The following PRR27 variants were observed in gnomAD, a reference collection of about 807,000 sequenced individuals.
PRR27 encodes the protein proline rich 27, also known as proline-rich protein 27.
Under a neutral mutation model 16.8 loss-of-function variants are expected in PRR27, and 12 were observed. The observed-to-expected ratio is 0.71, with a 90% CI of 0.46 to 1.16. The LOEUF is 1.16. PRR27 is among the 50% of genes most tolerant of loss of function. PRR27 has a pLI of 0.00. For synonymous variants in PRR27, 100 were observed against 98.4 expected (o/e 1.02, Z -0.10); for missense variants, 277 against 273.3 (o/e 1.01, Z -0.10).
At chr4:70,154,617 T>C in intron 1 of PRR27, 191 bp downstream of exon 1, 2 of 843,768 alleles carry the variant, frequency 2.4e-6, no homozygotes, top group Non-Finnish European at 3.7e-6. Flanking sequence ...AGTTGTAGTA[T>C]CTGAAAATAG....
At chr4:70,161,550 T>G (rs1053160714) in intron 3 of PRR27, 36 bp from the exon 4 acceptor site, 3 of 1,349,706 alleles carry the variant, frequency 2.2e-6, no homozygotes, top group Non-Finnish European at 3.1e-6. Flanking sequence ...TACATTTGAT[T>G]GTTTATGAAA....
In PRR27 at chr4:70,158,358, C is replaced by A; in HGVS notation, c.106C>A (p.Pro36Thr). The change falls in exon 3 of 5, where the codon CCA becomes ACA. Residue 36 changes from proline to threonine, a missense_variant. Pro to Thr is a conservative substitution (Grantham distance 38). Coordinates refer to ENST00000344526, the MANE Select transcript of PRR27 (RefSeq NM_214711.4). The part of the protein sequence containing the change: ...DDNDDGHPLH[P>T]SLNIPYGIRN... ...CAATGACGATGGTCACCCACTTCAT[C>A]CATCTCTGAATATTCCTTATGGCAT... 6.2e-7 allele frequency: 1 copy of A among 1,605,082 alleles called. No homozygotes were observed. The highest frequency in any genetic ancestry group is 1.1e-5 in the South Asian group (1 of 90,956).
Position 70,166,522 on chromosome 4 carries a change from C to A in PRR27, c.*3861C>A, listed in dbSNP as rs1306196181. The A allele has an allele frequency of 6.6e-5, 10 of 152,054 alleles. No individual in the cohort carries two copies. The highest frequency in any genetic ancestry group is 6.6e-4 in the Admixed American group (10 of 15,252). The allele number at this position is 152,054 out of a possible 1,614,324, so 9.4% of individuals were successfully genotyped here. A position where few individuals can be genotyped will look rare whatever the true frequency, so the allele number is the denominator to read the frequency against. ...TTACAAAATCCATATATGAGTATGA[C>A]ACCAATAAGAACATTTTCTCTAACC... is the stretch of plus-strand genomic sequence containing the variant. On this transcript the variant is annotated 3_prime_UTR_variant, in exon 5 of 5. Transcript: ENST00000344526.
chr4:70,158,719 C>G lies in PRR27; in HGVS notation c.467C>G (p.Ala156Gly). 1 of 1,580,878 alleles carries G rather than the reference C, an allele frequency of 6.3e-7. No homozygotes were observed. The highest frequency in any genetic ancestry group is 8.7e-7 in the Non-Finnish European group (1 of 1,155,158). The change falls in exon 3 of 5, where the codon GCT becomes GGT. Residue 156 changes from alanine (A) to glycine (G), a missense_variant. Coordinates refer to ENST00000344526, the MANE Select transcript of PRR27 (RefSeq NM_214711.4). ...CCTGCTGCAGGGGCCCCTGTTGCAG[C>G]TGAGCCTGCTGCAGAGGCACCTGTT... Reference protein sequence around the residue: ...AEPAAGAPVAAEPAAEAPVGA... With the variant: ...AEPAAGAPVAGEPAAEAPVGA...
intron 2 of PRR27, 40 bp from the exon 3 acceptor site, chr4:70,158,288 A>T (rs780985283): frequency 7.9e-7 from 1 of 1,262,000 alleles, no homozygotes; most frequent in South Asian, 1.3e-5. Flanking sequence ...TATAGACAGG[A>T]CAAATACAAT....
chr4:70,159,235 T>A (rs192925272), intron 3 of PRR27, among the ~76,000 whole-genome samples: 2,519 of 152,264 alleles, frequency 0.017, 60 homozygotes, highest in African/African-American at 0.05. Flanking sequence ...TTTTCTAGAA[T>A]TTTACGTAAG....
chr4:70,161,156 G>GTATA (rs371303125), intron 3 of PRR27, among the ~76,000 whole-genome samples: 14,195 of 93,812 alleles, frequency 0.15, 1,201 homozygotes, highest in South Asian at 0.25. Context: ...TATGAACACT[G>GTATA]TATATATATA....
chr4:70,160,634 T>C (rs575862063), intron 3 of PRR27, among the ~76,000 whole-genome samples: 1 of 152,216 alleles, frequency 6.6e-6, no homozygotes, highest in Admixed American at 6.5e-5. Context: ...TTCTCATGTT[T>C]GCACATTATT....
rs1309387987 is a variant in PRR27 at position 70,163,028 on chromosome 4, T to C, written c.*367T>C. The stretch of plus-strand genomic sequence containing the variant: ...GGTTTTTTCCTAAACAAACATATTT[T>C]GTAGTCAATGAACTTTTTGTCACAA... On this transcript the variant is annotated 3_prime_UTR_variant, in exon 5 of 5. Transcript: ENST00000344526. 6.6e-6 allele frequency: 1 copy of C among 152,180 alleles called. No homozygotes were observed. 9.4% of individuals were successfully genotyped at this position (152,180 alleles called of 1,614,324 possible).
chr4:70,164,971 C>T lies in PRR27; in HGVS notation c.*2310C>T, dbSNP rs1430948137. The T allele has an allele frequency of 6.6e-6, 1 of 152,082 alleles. No homozygotes were observed. The highest frequency in any genetic ancestry group is 1.9e-4 in the East Asian group (1 of 5,198). The allele number at this position is 152,082 out of a possible 1,614,324, so 9.4% of individuals were successfully genotyped here. On this transcript the variant is annotated 3_prime_UTR_variant, in exon 5 of 5. Coordinates refer to ENST00000344526, the MANE Select transcript of PRR27 (RefSeq NM_214711.4). ...CAGTTTTTGCTTTTACTACAAGATA[C>T]TGTGAAATGTTCTGCTCTGTCAGTT...
rs1424216490 is a variant in PRR27 at position 70,162,831 on chromosome 4, T to G, written c.*170T>G. The G allele has an allele frequency of 1.3e-5, 2 of 152,254 alleles. No individual in the cohort carries two copies. The highest frequency in any genetic ancestry group is 3.4e-3 in the Middle Eastern group (1 of 294). 9.4% of individuals were successfully genotyped at this position (152,254 alleles called of 1,614,324 possible). A position where few individuals can be genotyped will look rare whatever the true frequency, so the allele number is the denominator to read the frequency against. On this transcript the variant is annotated 3_prime_UTR_variant, in exon 5 of 5. Coordinates refer to ENST00000344526, the MANE Select transcript of PRR27 (RefSeq NM_214711.4). ...AGTTTTTCCTTGGACTTAATTTATA[T>G]TGAAAAAACATTGATAATTAAATAA...
chr4:70,156,907 A>G (rs1407612369), intron 2 of PRR27, among the ~76,000 whole-genome samples: 1 of 152,058 alleles, frequency 6.6e-6, no homozygotes, highest in Non-Finnish European at 1.5e-5. Flanking sequence ...TTTTTTTATT[A>G]TACTTTAACT....
At position 70,158,327 on chromosome 4, in the gene PRR27, G is replaced by A. The variant is rs544369111; in HGVS notation, c.76-1G>A. The A allele has an allele frequency of 1.3e-6, 2 of 1,595,484 alleles. No homozygotes were observed. Among genetic ancestry groups the A allele is most frequent in the African/African-American group, 1.3e-5 (1 of 74,594 alleles). Reference sequence around the variant, plus strand: ...CTTCGACTTCTTTGTTTCTCCTTTAGGATGACAATGACGATGGTCACCCAC... The same window carrying A: ...CTTCGACTTCTTTGTTTCTCCTTTAAGATGACAATGACGATGGTCACCCAC... On this transcript the variant is annotated splice_acceptor_variant, in intron 2 of 4. Coordinates refer to ENST00000344526, the MANE Select transcript of PRR27 (RefSeq NM_214711.4). LOFTEE classifies it high-confidence loss of function.
chr4:70,159,358 C>T (rs1728583019), intron 3 of PRR27, among the ~76,000 whole-genome samples: 1 of 152,138 alleles, frequency 6.6e-6, no homozygotes, highest in African/African-American at 2.4e-5. Flanking sequence ...TTTTATTATA[C>T]AGATACGCCG....
At chr4:70,154,580 C>A (rs765986690) in intron 1 of PRR27, among the ~76,000 whole-genome samples, 154 bp downstream of exon 1, 1 of 151,826 alleles carries the variant, frequency 6.6e-6, no homozygotes, top group African/African-American at 2.4e-5. Context: ...GACTTTTCAA[C>A]GGAAAATTTA....
chr4:70,161,546 T>TA, intron 3 of PRR27, 40 bp from the exon 4 acceptor site: 1 of 1,326,492 alleles, frequency 7.5e-7, no homozygotes, highest in Admixed American at 1.8e-5. Context: ...AAAGTACATT[T>TA]GATTGTTTAT....
At chr4:70,154,515 G>GTATAACCATTTGCTAAT in intron 1 of PRR27, 89 bp downstream of exon 1, 1 of 1,087,974 alleles carries the variant, frequency 9.2e-7, no homozygotes, top group Non-Finnish European at 1.4e-6. Flanking sequence ...AAGTACTATA[G>GTATAACCATTTGCTAAT]TGTTTGTAAT....
chr4:70,160,443 C>CTCTCTCTCTATGTGTGTGTGTG (rs1298386504), intron 3 of PRR27, among the ~76,000 whole-genome samples: 2 of 68,678 alleles, frequency 2.9e-5, no homozygotes, highest in Non-Finnish European at 5.5e-5. Context: ...CTCTCTCTCT[C>CTCTCTCTCTATGTGTGTGTGTG]TGTGTGTGTG....
At position 70,158,829 on chromosome 4, in the gene PRR27, C is replaced by A. The variant is rs779952101; in HGVS notation, c.577C>A (p.Pro193Thr). ...PVGVEPAAEE[P>T]SPAEPATAKP... Reference sequence around the variant, plus strand: ...TGGAGTGGAGCCAGCTGCAGAGGAACCTTCACCAGCTGAGCCTGCTACAGC... The same window carrying A: ...TGGAGTGGAGCCAGCTGCAGAGGAAACTTCACCAGCTGAGCCTGCTACAGC... Residue 193 changes from proline to threonine, a missense_variant, in exon 3 of 5, where the codon CCT (proline) becomes ACT (threonine). Physicochemically the swap from Pro to Thr is conservative, Grantham distance 38. Transcript: ENST00000344526. The A allele has an allele frequency of 7.4e-6, 12 of 1,613,868 alleles. No homozygotes were observed. The highest frequency in any genetic ancestry group is 1.7e-5 in the Admixed American group (1 of 60,012).
Sources: gnomAD v4.1 joint callset for allele counts (sites outside exome capture counted in the v4.1 genomes callset) on GRCh38, gnomAD v4.1.1 for gene constraint, MANE v1.5 for transcripts, NCBI Gene and HGNC (gene_info 2026-07-23, HGNC 2026-07-21) for gene names.